MTBP: variants seen among roughly 807,000 people sequenced by gnomAD.
MTBP encodes the protein MDM2 binding protein, also known as mdm2-binding protein.
Under a neutral mutation model 117.0 loss-of-function variants are expected in MTBP, and 101 were observed. That is an observed-to-expected ratio of 0.86 (90% CI 0.73 to 1.02). The LOEUF is 1.02. MTBP is among the 50% of genes least tolerant of loss of function. MTBP has a pLI of 0.00. For synonymous variants in MTBP, 350 were observed against 351.5 expected, an observed-to-expected ratio of 1.00 and a Z score of 0.05; for missense variants, 970 against 1,030.9, an observed-to-expected ratio of 0.94 and a Z score of 0.81.
At chr8:120,499,913 A>C (rs192875340) in intron 14 of MTBP, among the ~76,000 whole-genome samples, 1 of 152,216 alleles carries the variant, frequency 6.6e-6, no homozygotes, top group African/African-American at 2.4e-5. Context: ...TTTCCAGGTA[A>C]TTCTATCAGA....
Position 120,518,032 on chromosome 8 carries a change from C to T in MTBP, c.2428C>T (p.Gln810Ter), listed in dbSNP as rs1432209470. Reference protein sequence around the residue: ...PKLATKTSSGQKSMHESKTSR... With the variant: ...PKLATKTSSG ...ACTTGCTACAAAGACCAGTTCAGGTCAAAAAAGTATGCATGAATCAAAAAC... is the reference window on the plus strand; with the variant it reads ...ACTTGCTACAAAGACCAGTTCAGGTTAAAAAAGTATGCATGAATCAAAAAC... The change falls in exon 19 of 22, where the codon CAA becomes TAA. Residue 810 changes from glutamine (Q) to a stop codon, truncating the protein, a stop_gained. Transcript: ENST00000305949. LOFTEE classifies it high-confidence loss of function. 1.2e-6 allele frequency: 2 copies of T among 1,612,472 alleles called. No individual in the cohort carries two copies. Among genetic ancestry groups the T allele is most frequent in the Non-Finnish European group, 1.7e-6 (2 of 1,179,066 alleles).
At chr8:120,472,858 C>T (rs1158956717) in intron 11 of MTBP, 1 of 152,128 alleles carries the variant, frequency 6.6e-6, no homozygotes, top group Non-Finnish European at 1.5e-5. Context: ...AAAAGTCTAC[C>T]ATAGGTGCCT....
At chr8:120,460,631 C>G (rs563157796) in intron 8 of MTBP, among the ~76,000 whole-genome samples, 3 of 152,042 alleles carry the variant, frequency 2.0e-5, no homozygotes, top group African/African-American at 4.8e-5. Context: ...CTGAATGGAG[C>G]TTTCTATGTT....
At chr8:120,481,552 G>T (rs188419874) in intron 11 of MTBP, among the ~76,000 whole-genome samples, 11 of 152,238 alleles carry the variant, frequency 7.2e-5, no homozygotes, top group Non-Finnish European at 1.6e-4. Context: ...GTCAGACAAG[G>T]TTAGATTATT....
At chr8:120,506,302 T>A (rs1224051361) in intron 15 of MTBP, among the ~76,000 whole-genome samples, 1 of 152,112 alleles carries the variant, frequency 6.6e-6, no homozygotes, top group Non-Finnish European at 1.5e-5. Context: ...ATTCAGTCAC[T>A]TCCCTCAAAA....
At chr8:120,461,416 A>G (rs11781130) in intron 9 of MTBP, among the ~76,000 whole-genome samples, 161 bp downstream of exon 9, 31,551 of 151,950 alleles carry the variant, frequency 0.21, 3,440 homozygotes, top group Middle Eastern at 0.27. Context: ...TTATTTTTGG[A>G]GTTGCTGGGG....
chr8:120,466,221 T>G (rs1372269125), intron 10 of MTBP, among the ~76,000 whole-genome samples: 12 of 150,064 alleles, frequency 8.0e-5, no homozygotes, highest in Non-Finnish European at 1.8e-4. Flanking sequence ...CTTTTTTTTT[T>G]TTTTTTTTTA....
At chr8:120,494,771 CTT>C (rs1451666281) in intron 13 of MTBP, among the ~76,000 whole-genome samples, 1 of 152,104 alleles carries the variant, frequency 6.6e-6, no homozygotes, top group Non-Finnish European at 1.5e-5. Flanking sequence ...TCAGATCTCT[CTT>C]ATATAATTCT....
chr8:120,469,599 A>C (rs548652000), intron 10 of MTBP, among the ~76,000 whole-genome samples: 39 of 152,324 alleles, frequency 2.6e-4, no homozygotes, highest in African/African-American at 8.7e-4. Flanking sequence ...TTGATGTTGC[A>C]AGTTGTCTCC....
At position 120,490,425 on chromosome 8, in the gene MTBP, A is replaced by G. The variant is rs185444319; in HGVS notation, c.1340-38A>G. 1.8e-5 allele frequency: 23 copies of G among 1,260,330 alleles called. No individual in the cohort carries two copies. The Admixed American group carries it at 4.3e-4, about 23-fold the overall frequency. The allele number at this position is 1,260,330 out of a possible 1,614,324, so 78.1% of individuals were successfully genotyped here. The stretch of plus-strand genomic sequence containing the variant: ...TGAGTACTAATTGTTGGCAAAGGGC[A>G]TCATTAATGTTGACCTTTTTTTTTT... On this transcript the variant is annotated intron_variant, in intron 12 of 21. Coordinates refer to ENST00000305949, the MANE Select transcript of MTBP (RefSeq NM_022045.5).
At chr8:120,514,160 G>A (rs4132023) in intron 17 of MTBP, among the ~76,000 whole-genome samples, 80,165 of 151,564 alleles carry the variant, frequency 0.53, 24,480 homozygotes, top group Non-Finnish European at 0.67. Context: ...AATGATCACT[G>A]TAGCCAGGCA....
chr8:120,507,356 G>A (rs1391619796), intron 16 of MTBP, among the ~76,000 whole-genome samples: 2 of 152,168 alleles, frequency 1.3e-5, no homozygotes, highest in African/African-American at 4.8e-5. Context: ...CAGTGTCTAC[G>A]TGAATAAATT....
chr8:120,491,858 AAGG>A (rs1264561621), intron 13 of MTBP, among the ~76,000 whole-genome samples: 2 of 152,188 alleles, frequency 1.3e-5, no homozygotes, highest in Non-Finnish European at 2.9e-5. Context: ...TTCTTTGTGA[AAGG>A]AGAAGACTTA....
intron 10 of MTBP, 67 bp downstream of exon 10, chr8:120,463,828 GA>G: frequency 1.4e-6 from 2 of 1,414,996 alleles, no homozygotes; most frequent in Non-Finnish European, 9.9e-7. Context: ...GGATGTGTAA[GA>G]AAAGGGAATG....
intron 10 of MTBP, among the ~76,000 whole-genome samples, chr8:120,469,797 C>T (rs1407902320): frequency 6.6e-6 from 1 of 152,136 alleles, no homozygotes; most frequent in Non-Finnish European, 1.5e-5. Flanking sequence ...GAACATATTC[C>T]AATATCAAAC....
chr8:120,446,572 A>C, intron 2 of MTBP, 59 bp downstream of exon 2: 1 of 1,038,708 alleles, frequency 9.6e-7, no homozygotes, highest in Admixed American at 1.7e-5. Flanking sequence ...AATTAACTTA[A>C]TTAATTTGGA....
At chr8:120,477,233 C>T (rs1418640174) in intron 11 of MTBP, among the ~76,000 whole-genome samples, 3 of 152,146 alleles carry the variant, frequency 2.0e-5, no homozygotes, top group Non-Finnish European at 1.5e-5. Flanking sequence ...CTTCCTTACA[C>T]CTTATACAAA....
chr8:120,494,812 T>C (rs924996555), intron 13 of MTBP, among the ~76,000 whole-genome samples: 5 of 152,194 alleles, frequency 3.3e-5, no homozygotes, highest in Admixed American at 3.3e-4. Flanking sequence ...ATAATCACCT[T>C]ATTTTAAATT....
chr8:120,466,758 C>T (rs1053373112), intron 10 of MTBP, among the ~76,000 whole-genome samples: 1 of 151,902 alleles, frequency 6.6e-6, no homozygotes, highest in African/African-American at 2.4e-5. Flanking sequence ...CCTGTAGTCC[C>T]AGCTATGCGG....
Sources: allele counts gnomAD v4.1 joint callset (sites outside exome capture counted in the v4.1 genomes callset), GRCh38; gene constraint gnomAD v4.1.1; transcripts MANE v1.5; gene names NCBI Gene and HGNC (gene_info 2026-07-23, HGNC 2026-07-21).